Variants in LIG3 observed in about 807,000 individuals in gnomAD.
LIG3 encodes DNA ligase 3, also known as ligase II, DNA, ATP-dependent.
In LIG3, 58 loss-of-function variants were observed where a neutral mutation model predicts 110.9. The observed-to-expected ratio is 0.52, with a 90% CI of 0.42 to 0.65. The LOEUF is 0.65. Ranked by LOEUF, LIG3 falls within the 30% of genes least tolerant of loss-of-function variation. The pLI is 0.00. For missense variants in LIG3, 1,094 were observed against 1,273.8 expected, an observed-to-expected ratio of 0.86 and a Z score of 2.15; for synonymous variants, 422 against 472.8, an observed-to-expected ratio of 0.89 and a Z score of 1.39.
At chr17:35,003,289 A>C in intron 19 of LIG3, 1 of 810,630 alleles carries the variant, frequency 1.2e-6, no homozygotes, top group Non-Finnish European at 1.8e-6. Flanking sequence ...GGGTTTGGCA[A>C]CATCTCCTGA....
chr17:34,994,129 C>T, intron 8 of LIG3, 147 bp from the exon 9 acceptor site: 1 of 649,876 alleles, frequency 1.5e-6, no homozygotes, highest in South Asian at 2.1e-5. Context: ...ATCACCTCTT[C>T]ACCAGCCTTC....
chr17:34,999,039 G>A (rs2090811540), intron 14 of LIG3: 2 of 513,156 alleles, frequency 3.9e-6, no homozygotes, highest in Non-Finnish European at 6.9e-6. Flanking sequence ...GGAGTCTGAG[G>A]AACTAATACT....
intron 19 of LIG3, chr17:35,003,026 CTG>C: frequency 6.2e-7 from 1 of 1,614,232 alleles, no homozygotes; most frequent in Non-Finnish European, 8.5e-7. Context: ...AGAGGAAGAA[CTG>C]TGCCAGCAGG....
intron 3 of LIG3, among the ~76,000 whole-genome samples, chr17:34,986,947 T>C (rs976372009): frequency 2.0e-5 from 3 of 152,146 alleles, no homozygotes; most frequent in African/African-American, 7.2e-5. Context: ...TTGCTATTTG[T>C]TGGGAGGCAG....
At chr17:34,992,773 T>C in intron 8 of LIG3, 81 bp downstream of exon 8, 1 of 1,328,146 alleles carries the variant, frequency 7.5e-7, no homozygotes, top group Non-Finnish European at 1.0e-6. Flanking sequence ...AGGGTATGAG[T>C]GTTGAGAGCA....
In LIG3 at chr17:35,002,728, C is replaced by G; in HGVS notation, c.2735C>G (p.Ser912Cys). ...MKVGEKLATK[S>C]SPVKVGEKRK... is the part of the protein sequence containing the mutation. The stretch of plus-strand genomic sequence containing the variant: ...GTGGGGGAGAAGCTGGCCACAAAGT[C>G]TTCTCCAGTGAAAGTAGGGGAGAAG... Residue 912 changes from serine (S) to cysteine (C), a missense_variant, in exon 19 of 20, where the codon TCT (serine) becomes TGT (cysteine). Coordinates refer to ENST00000378526, the MANE Select transcript of LIG3 (RefSeq NM_013975.4). 6.2e-7 allele frequency: 1 copy of G among 1,613,212 alleles called. No individual in the cohort carries two copies. Among genetic ancestry groups the G allele is most frequent in the Non-Finnish European group, 8.5e-7 (1 of 1,179,632 alleles).
At chr17:34,982,709 G>C (rs912725117) in intron 1 of LIG3, among the ~76,000 whole-genome samples, 4 of 151,676 alleles carry the variant, frequency 2.6e-5, no homozygotes, top group Admixed American at 2.6e-4. Context: ...TCCATTATGA[G>C]TATCATATGT....
chr17:34,993,917 T>C (rs759762908), intron 8 of LIG3, among the ~76,000 whole-genome samples: 29 of 152,174 alleles, frequency 1.9e-4, no homozygotes, highest in Non-Finnish European at 4.0e-4. Flanking sequence ...CCTCTTTTAC[T>C]GGGAGAACTG....
chr17:34,987,883 C>T (rs1326043238), intron 3 of LIG3, among the ~76,000 whole-genome samples: 1 of 152,056 alleles, frequency 6.6e-6, no homozygotes, highest in Non-Finnish European at 1.5e-5. Context: ...GTGCCTGGCT[C>T]TATAGGATTT....
intron 8 of LIG3, 176 bp from the exon 9 acceptor site, chr17:34,994,100 C>T: frequency 3.6e-6 from 2 of 559,550 alleles, no homozygotes; most frequent in Admixed American, 3.5e-5. Context: ...TACAACATTG[C>T]CCAGCCCTTT....
chr17:34,984,768 G>T (rs943659929), intron 2 of LIG3, among the ~76,000 whole-genome samples: 9 of 150,964 alleles, frequency 6.0e-5, no homozygotes, highest in Non-Finnish European at 1.2e-4. Flanking sequence ...TTGTCATGGG[G>T]TATCTGTTTC....
intron 2 of LIG3, 79 bp downstream of exon 2, chr17:34,983,631 CTTTTTTT>C: frequency 7.4e-7 from 1 of 1,356,670 alleles, no homozygotes; most frequent in South Asian, 1.5e-5. Flanking sequence ...CTTTCTTTCT[CTTTTTTT>C]TAACTTTGCT....
chr17:35,002,880 G>A (rs1338529904), intron 19 of LIG3, 91 bp downstream of exon 19: 3 of 1,584,980 alleles, frequency 1.9e-6, no homozygotes, highest in African/African-American at 1.3e-5. Context: ...AAGAGGATGA[G>A]CAAAGGTGTT....
chr17:35,001,824 C>T (rs905547304), intron 17 of LIG3, 85 bp from the exon 18 acceptor site: 1 of 1,218,022 alleles, frequency 8.2e-7, no homozygotes, highest in Non-Finnish European at 1.2e-6. Context: ...TTCCCATATG[C>T]GCCTAAAATA....
In LIG3 at chr17:35,002,014, G is replaced by A. The variant is rs1402140657; in HGVS notation, c.2584G>A (p.Gly862Arg). Residue 862 changes from glycine to arginine, a missense_variant, in exon 18 of 20, where the codon GGG becomes AGG. Transcript: ENST00000378526. ...CAGTGAAGAGAATAAGGGTCCCTCA[G>A]GGTCTGCTGTGTCCCGCAAGGCCCC... The part of the protein sequence containing the change: ...GSSEENKGPS[G>R]SAVSRKAPSK... 1.9e-6 allele frequency: 3 copies of A among 1,612,442 alleles called. No individual in the cohort carries two copies. The highest frequency in any genetic ancestry group is 1.7e-5 in the Admixed American group (1 of 59,706).
chr17:34,996,279 G>C (rs1167248168), intron 10 of LIG3, 84 bp downstream of exon 10: 2 of 1,460,674 alleles, frequency 1.4e-6, no homozygotes, highest in Admixed American at 1.8e-5. Flanking sequence ...TCTGAAAAGG[G>C]AGGAAATATC....
At position 35,005,503 on chromosome 17, in the gene LIG3, G is replaced by T; in HGVS notation, c.*997G>T. On this transcript the variant is annotated 3_prime_UTR_variant, in exon 20 of 20. Transcript: ENST00000378526. ...TGATGAACGTGGGCATCAGAGGCCA[G>T]TAGCTTTCTTGGCCTACAAAGTAAA... 3.5e-6 allele frequency: 2 copies of T among 567,464 alleles called. No individual in the cohort carries two copies. The highest frequency in any genetic ancestry group is 7.1e-6 in the Non-Finnish European group (2 of 280,802). The allele number at this position is 567,464 out of a possible 1,614,324, so 35.2% of individuals were successfully genotyped here. A position where few individuals can be genotyped will look rare whatever the true frequency, so the allele number is the denominator to read the frequency against.
chr17:34,992,632 G>A lies in LIG3; in HGVS notation c.1395G>A (p.Pro465=), dbSNP rs576027998. The part of the protein sequence containing the change: ...LHNAQEVEKE[P]GQRRALSVQA... ...ACGCGCAGGAGGTGGAGAAGGAGCC[G>A]GGCCAGAGACGAGCTCTGAGCGTCC... is the stretch of plus-strand genomic sequence containing the variant. The change falls in exon 8 of 20, where the codon CCG becomes CCA. Residue 465 remains proline (P), a synonymous_variant. Coordinates refer to ENST00000378526, the MANE Select transcript of LIG3 (RefSeq NM_013975.4). 3.9e-5 allele frequency: 63 copies of A among 1,613,622 alleles called. 1 individual carries two copies. In the South Asian group the frequency reaches 5.5e-4, roughly 14 times the overall value.
intron 14 of LIG3, 98 bp from the exon 15 acceptor site, chr17:34,999,209 T>C: frequency 7.2e-7 from 1 of 1,391,860 alleles, no homozygotes; most frequent in Non-Finnish European, 9.8e-7. Flanking sequence ...TCTGGCACTC[T>C]GACGGCCAGG....
Sources: gnomAD v4.1 joint callset for allele counts (sites outside exome capture counted in the v4.1 genomes callset) on GRCh38, gnomAD v4.1.1 for gene constraint, MANE v1.5 for transcripts, NCBI Gene and HGNC (gene_info 2026-07-23, HGNC 2026-07-21) for gene names.